Variants in CUX1 observed in about 807,000 individuals in gnomAD.
CUX1 encodes protein CASP.
In CUX1, 31 loss-of-function variants were observed where a neutral mutation model predicts 158.8. The ratio of observed to expected loss-of-function variants is 0.20; its 90% confidence interval spans 0.15 to 0.26. CUX1 has a LOEUF of 0.26. Among genes scored for constraint, CUX1 ranks in the 10% least tolerant of loss-of-function variants. The probability of loss-of-function intolerance (pLI) is 1.00; values close to 1 mark genes in which losing one functional copy is unlikely to be tolerated. For missense variants in CUX1, 1,589 were observed against 2,014.6 expected (o/e 0.79, Z 4.04); for synonymous variants, 879 against 862.1 (o/e 1.02, Z -0.34).
chr7:102,111,354 G>A (rs1830859902), intron 6 of CUX1, among the ~76,000 whole-genome samples: 1 of 151,934 alleles, frequency 6.6e-6, no homozygotes. Flanking sequence ...TTCTTCTTGC[G>A]CTAACTTCAG....
At chr7:101,964,352 C>CA (rs1179627421) in intron 2 of CUX1, among the ~76,000 whole-genome samples, 5 of 151,306 alleles carry the variant, frequency 3.3e-5, no homozygotes, top group Admixed American at 6.6e-5. Flanking sequence ...GACTCCATCT[C>CA]AAAAAAAAGG....
chr7:101,886,104 GC>G (rs199642605), intron 1 of CUX1, among the ~76,000 whole-genome samples: 2,858 of 152,284 alleles, frequency 0.019, 61 homozygotes, highest in Non-Finnish European at 0.023. Flanking sequence ...TCTCCTGCTG[GC>G]CCTGAATGTG....
In CUX1 at chr7:102,205,127, GA is replaced by G; in HGVS notation, c.3088del (p.Thr1030HisfsTer12). ...TTTCTACTTTAGTCCTCCACTCCGT[GA>G]CATCGCTCCAGGACCCGCTGCAGCA... ...QQQGPVLHSV[T>X]SLQDPLQQGC... On this transcript the variant is annotated frameshift_variant, in exon 20 of 24. Transcript: ENST00000292535. LOFTEE classifies it high-confidence loss of function. 1 of 1,611,040 alleles carries G rather than the reference GA, an allele frequency of 6.2e-7. No homozygotes were observed. Among genetic ancestry groups the G allele is most frequent in the Non-Finnish European group, 8.5e-7 (1 of 1,177,958 alleles).
intron 23 of CUX1, among the ~76,000 whole-genome samples, chr7:102,241,589 C>G (rs370314302): frequency 6.6e-6 from 1 of 152,106 alleles, no homozygotes; most frequent in Non-Finnish European, 1.5e-5. Context: ...TAAAGGGGCC[C>G]AGTAAACCAC....
At chr7:102,130,176 C>T (rs147546165) in intron 8 of CUX1, among the ~76,000 whole-genome samples, 1 of 152,116 alleles carries the variant, frequency 6.6e-6, no homozygotes, top group Non-Finnish European at 1.5e-5. Flanking sequence ...GTGCTGAGTT[C>T]TAAGGCAAGC....
intron 1 of CUX1, among the ~76,000 whole-genome samples, chr7:101,861,051 G>A (rs1310890197): frequency 6.6e-6 from 1 of 152,086 alleles, no homozygotes; most frequent in Non-Finnish European, 1.5e-5. Flanking sequence ...CCAAAGTGCC[G>A]GGTTTATAGG....
intron 7 of CUX1, among the ~76,000 whole-genome samples, chr7:102,112,571 G>T (rs1831042525): frequency 2.3e-5 from 2 of 86,888 alleles, no homozygotes; most frequent in Non-Finnish European, 2.3e-5. Flanking sequence ...GTTTTGTTTT[G>T]TTTTTGTTTT....
chr7:101,953,226 T>G (rs1443187896), intron 2 of CUX1, among the ~76,000 whole-genome samples: 1 of 152,256 alleles, frequency 6.6e-6, no homozygotes, highest in Admixed American at 6.5e-5. Flanking sequence ...GTGACTCATC[T>G]TGTTAGAGAA....
chr7:102,155,566 C>T (rs1006311365), intron 8 of CUX1, among the ~76,000 whole-genome samples: 7 of 151,638 alleles, frequency 4.6e-5, no homozygotes, highest in Non-Finnish European at 8.8e-5. Context: ...AAAAACAACA[C>T]AAAAAATCCT....
chr7:102,168,918 C>T (rs62484925), intron 9 of CUX1, among the ~76,000 whole-genome samples: 1,091 of 83,464 alleles, frequency 0.013, 12 homozygotes, highest in Middle Eastern at 0.029. Flanking sequence ...CTTTTATTTT[C>T]TTTTCTTTTC....
At chr7:101,816,794 G>A (rs1791857818), upstream of CUX1, 2 of 163,082 alleles carry the variant, frequency 1.2e-5, no homozygotes, top group Admixed American at 7.2e-5. Context: ...GCTCCGGCCA[G>A]GCGGGCGGGT....
intron 2 of CUX1, among the ~76,000 whole-genome samples, chr7:101,927,924 G>T (rs368065629): frequency 6.6e-6 from 1 of 152,162 alleles, no homozygotes; most frequent in African/African-American, 2.4e-5. Context: ...CTTTCCTTCC[G>T]GGAGCATCTC....
intron 1 of CUX1, among the ~76,000 whole-genome samples, chr7:101,901,859 G>A (rs993092837): frequency 2.0e-5 from 3 of 152,218 alleles, no homozygotes; most frequent in African/African-American, 7.2e-5. Flanking sequence ...AGAATGGCTG[G>A]TGCCCTAACA....
intron 4 of CUX1, among the ~76,000 whole-genome samples, chr7:102,073,235 G>A (rs766924150): frequency 3.7e-5 from 5 of 133,540 alleles, no homozygotes; most frequent in African/African-American, 1.1e-4. Context: ...GTGCAGTGAC[G>A]TGATCTTGGC....
intron 3 of CUX1, among the ~76,000 whole-genome samples, chr7:102,032,548 A>G (rs1215080531): frequency 1.3e-5 from 2 of 152,186 alleles, no homozygotes; most frequent in East Asian, 3.9e-4. Context: ...ATGTGCCTGT[A>G]ATCACAGCTA....
intron 1 of CUX1, among the ~76,000 whole-genome samples, chr7:101,825,200 C>A (rs961776802): frequency 1.3e-5 from 2 of 152,210 alleles, no homozygotes; most frequent in Non-Finnish European, 2.9e-5. Context: ...ATCTTCCCTT[C>A]CTATTCACAC....
intron 4 of CUX1, among the ~76,000 whole-genome samples, chr7:102,091,786 T>C (rs1416215050): frequency 2.6e-5 from 4 of 152,168 alleles, no homozygotes; most frequent in African/African-American, 9.7e-5. Flanking sequence ...AATGGAGTCT[T>C]GCTCTATCAC....
At chr7:102,160,649 C>A (rs1554506780) in intron 9 of CUX1, among the ~76,000 whole-genome samples, 1 of 152,020 alleles carries the variant, frequency 6.6e-6, no homozygotes, top group African/African-American at 2.4e-5. Flanking sequence ...AAAAGTGAAC[C>A]TTGAGGCCAT....
chr7:102,242,291 A>G (rs1326514124), intron 23 of CUX1, among the ~76,000 whole-genome samples: 3 of 145,972 alleles, frequency 2.1e-5, no homozygotes, highest in African/African-American at 7.7e-5. Flanking sequence ...GGCTCACTGC[A>G]ACCTCTGCCT....
Sources: gnomAD v4.1 joint callset for allele counts (sites outside exome capture counted in the v4.1 genomes callset) on GRCh38, gnomAD v4.1.1 for gene constraint, MANE v1.5 for transcripts, NCBI Gene and HGNC (gene_info 2026-07-23, HGNC 2026-07-21) for gene names.